Variants in STK38 observed in about 807,000 individuals in gnomAD.
STK38 encodes the protein serine/threonine kinase 38, also known as serine/threonine-protein kinase 38.
In STK38, 26 loss-of-function variants were observed where a neutral mutation model predicts 59.0. That is an observed-to-expected ratio of 0.44 (90% CI 0.32 to 0.61). The LOEUF is 0.61. Among genes scored for constraint, STK38 ranks in the 20% least tolerant of loss-of-function variants. The pLI, the probability that STK38 is intolerant of heterozygous loss-of-function variation, is 0.04. For synonymous variants in STK38, 175 were observed against 176.6 expected (o/e 0.99, Z 0.07); for missense variants, 433 against 566.0 (o/e 0.76, Z 2.38).
At chr6:36,539,955 G>T in intron 2 of STK38, 117 bp downstream of exon 2, 1 of 1,485,552 alleles carries the variant, frequency 6.7e-7, no homozygotes, top group Non-Finnish European at 9.0e-7. Context: ...ATTCCATTAT[G>T]ATAGTCTATA....
intron 7 of STK38, among the ~76,000 whole-genome samples, chr6:36,510,160 A>G (rs965182079): frequency 2.0e-5 from 3 of 152,080 alleles, no homozygotes; most frequent in African/African-American, 7.2e-5. Flanking sequence ...GCCATCAATC[A>G]TTTTGTCCAC....
intron 6 of STK38, among the ~76,000 whole-genome samples, chr6:36,516,466 G>A (rs1454679091): frequency 1.3e-5 from 2 of 152,156 alleles, no homozygotes; most frequent in African/African-American, 4.8e-5. Context: ...GCATCATGCT[G>A]CTTTTTCAGT....
chr6:36,499,925 G>T lies in STK38; in HGVS notation c.900C>A (p.Asn300Lys). The T allele has an allele frequency of 6.2e-7, 1 of 1,614,122 alleles. No individual in the cohort carries two copies. The highest frequency in any genetic ancestry group is 8.5e-7 in the Non-Finnish European group (1 of 1,180,004). The part of the protein sequence containing the change: ...APEVFMQTGY[N>K]KLCDWWSLGV... ...CAAGCGACCACCAATCACAGAGCTT[G>T]TTGTACCCGGTCTGCATGAACACCT... Residue 300 changes from asparagine to lysine, a missense_variant, in exon 10 of 14, where the codon AAC (asparagine) becomes AAA (lysine). Transcript: ENST00000229812.
chr6:36,532,724 C>T (rs543141421), intron 2 of STK38, among the ~76,000 whole-genome samples: 1 of 152,150 alleles, frequency 6.6e-6, no homozygotes, highest in East Asian at 1.9e-4. Context: ...CATGGTGAAA[C>T]CCCGCTTCTA....
intron 4 of STK38, 110 bp from the exon 5 acceptor site, chr6:36,521,927 T>A: frequency 1.2e-6 from 1 of 800,248 alleles, no homozygotes; most frequent in South Asian, 1.8e-5. Context: ...AATTTTAACA[T>A]GAGCAACTAG....
intron 3 of STK38, among the ~76,000 whole-genome samples, chr6:36,525,315 G>C (rs1777484634): frequency 1.4e-5 from 2 of 143,492 alleles, no homozygotes; most frequent in South Asian, 4.4e-4. Context: ...GCTACAACTT[G>C]CTCTTTTAAA....
rs60162863 is a variant in STK38, at chr6:36,527,207, A to AAATATAT, written c.132-1566_132-1565insATATATT. Among the ~76,000 whole-genome samples, 255 of 119,328 alleles carry AAATATAT rather than the reference A, an allele frequency of 2.1e-3. 1 individual carries two copies. The highest frequency in any genetic ancestry group is 3.4e-3 in the Admixed American group (33 of 9,716). The allele number at this position is 119,328 out of a possible 152,430, so 78.3% of individuals were successfully genotyped here. A position where few individuals can be genotyped will look rare whatever the true frequency, so the allele number is the denominator to read the frequency against. ...ACTCCGTCTCAAAAAAAAAAAAAAA[A>AAATATAT]ATATATGTATATATATATATATTTA... On this transcript the variant is annotated intron_variant, in intron 2 of 13. Coordinates refer to ENST00000229812, the MANE Select transcript of STK38 (RefSeq NM_007271.4).
intron 2 of STK38, among the ~76,000 whole-genome samples, chr6:36,529,953 A>C: frequency 6.6e-6 from 1 of 152,114 alleles, no homozygotes; most frequent in East Asian, 1.9e-4. Context: ...TATTTAACAG[A>C]AATAGGGCCA....
intron 1 of STK38, among the ~76,000 whole-genome samples, chr6:36,546,375 T>C (rs1049948875): frequency 6.6e-6 from 1 of 152,128 alleles, no homozygotes; most frequent in African/African-American, 2.4e-5. Context: ...GAGGAGAGCC[T>C]GTTATCGAGG....
rs140430081 is a variant in STK38, at chr6:36,537,155, A to G, written c.131+2917T>C. 6.6e-3 allele frequency among the ~76,000 whole-genome samples: 999 copies of G among 152,306 alleles called. 9 individuals carry two copies. The highest frequency in any genetic ancestry group is 0.021 in the African/African-American group (881 of 41,576). The stretch of plus-strand genomic sequence containing the variant: ...CAAAGGAAGATGCACAAATGGCCAA[A>G]AAGCACATAAAAATGTTCAACATCA... On this transcript the variant is annotated intron_variant, in intron 2 of 13. Transcript: ENST00000229812.
At chr6:36,521,873 T>C in intron 4 of STK38, 56 bp from the exon 5 acceptor site, 2 of 1,385,384 alleles carry the variant, frequency 1.4e-6, no homozygotes, top group Non-Finnish European at 1.0e-6. Context: ...AACCTAATGC[T>C]TTCATGTGTT....
At chr6:36,531,949 A>G (rs931965812) in intron 2 of STK38, among the ~76,000 whole-genome samples, 29 of 152,146 alleles carry the variant, frequency 1.9e-4, no homozygotes, top group African/African-American at 6.8e-4. Context: ...GGAATAACAG[A>G]TATTTTAAAG....
chr6:36,497,940 T>G (rs1041445692), intron 11 of STK38, 65 bp from the exon 12 acceptor site: 1 of 211,934 alleles, frequency 4.7e-6, no homozygotes. Context: ...AAAACTTTCT[T>G]TTTTTTTTTT....
At chr6:36,519,097 C>G (rs1243880540) in intron 5 of STK38, among the ~76,000 whole-genome samples, 1 of 152,162 alleles carries the variant, frequency 6.6e-6, no homozygotes, top group African/African-American at 2.4e-5. Context: ...GGCCCAGAGG[C>G]ATTTGACTTT....
chr6:36,498,589 C>CTTTTTTT (rs374274208), intron 10 of STK38, 103 bp from the exon 11 acceptor site: 51 of 936,260 alleles, frequency 5.4e-5, no homozygotes, highest in African/African-American at 1.7e-4. Context: ...TTTCTTTTTT[C>CTTTTTTT]TTTTTTTTTT....
At chr6:36,535,260 C>G (rs1419571506) in intron 2 of STK38, among the ~76,000 whole-genome samples, 1 of 151,988 alleles carries the variant, frequency 6.6e-6, no homozygotes, top group Non-Finnish European at 1.5e-5. Context: ...ACCAGCCTGC[C>G]CAACATGGTG....
At chr6:36,540,637 T>C (rs1777912176) in intron 1 of STK38, among the ~76,000 whole-genome samples, 1 of 152,214 alleles carries the variant, frequency 6.6e-6, no homozygotes, top group Non-Finnish European at 1.5e-5. Flanking sequence ...TCTTTTTTTT[T>C]CTTTTTGAGA....
At position 36,494,613 on chromosome 6, in the gene STK38, G is replaced by A. The variant is rs939859318; in HGVS notation, c.*1171C>T. 1 of 152,666 alleles carries A rather than the reference G, an allele frequency of 6.6e-6. No individual in the cohort carries two copies. The highest frequency in any genetic ancestry group is 1.5e-5 in the Non-Finnish European group (1 of 68,066). The allele number at this position is 152,666 out of a possible 1,614,324, so 9.5% of individuals were successfully genotyped here. A position where few individuals can be genotyped will look rare whatever the true frequency, so the allele number is the denominator to read the frequency against. ...AGTTGCAGGCGACCCTTTAGGGTGG[G>A]GAGGAGTATCCCCCAGGAAGGCATC... On this transcript the variant is annotated 3_prime_UTR_variant, in exon 14 of 14. Transcript: ENST00000229812.
At position 36,517,819 on chromosome 6, in the gene STK38, G is replaced by A. The variant is rs1777292121; in HGVS notation, c.412C>T (p.Arg138Cys). 4 of 1,614,010 alleles carry A rather than the reference G, an allele frequency of 2.5e-6. No individual in the cohort carries two copies. Among genetic ancestry groups the A allele is most frequent in the Non-Finnish European group, 3.4e-6 (4 of 1,179,936 alleles). ...KEQVGHIRAE[R>C]DILVEADSLW... ...CTGTCTGCCTCCACTAGAATGTCAC[G>A]CTCCGCACGAATGTGGCCAACCTGG... Residue 138 changes from arginine (R) to cysteine (C), a missense_variant, in exon 6 of 14, where the codon CGT becomes TGT. By Grantham distance (180) the Arg-to-Cys change is radical. Coordinates refer to ENST00000229812, the MANE Select transcript of STK38 (RefSeq NM_007271.4).
Sources: allele counts gnomAD v4.1 joint callset (sites outside exome capture counted in the v4.1 genomes callset), GRCh38; gene constraint gnomAD v4.1.1; transcripts MANE v1.5; gene names NCBI Gene and HGNC (gene_info 2026-07-23, HGNC 2026-07-21).